The following RIPK2 variants were observed in gnomAD, a reference collection of about 807,000 sequenced individuals.
The protein encoded by RIPK2 is receptor-interacting serine/threonine-protein kinase 2.
Under a neutral mutation model 60.9 loss-of-function variants are expected in RIPK2, and 38 were observed. The observed-to-expected ratio is 0.62, with a 90% confidence interval of 0.48 to 0.82. The LOEUF (loss-of-function observed/expected upper bound fraction) is 0.82, where lower values mean the gene tolerates loss of function less well. Among genes scored for constraint, RIPK2 ranks in the 40% least tolerant of loss-of-function variants. RIPK2 has a pLI of 0.00. For synonymous variants in RIPK2, 225 were observed against 223.4 expected (o/e 1.01, Z -0.06); for missense variants, 518 against 647.0 (o/e 0.80, Z 2.16).
At position 89,780,170 on chromosome 8, in the gene RIPK2, TA is replaced by T; in HGVS notation, c.939+13del. On this transcript the variant is annotated intron_variant, in intron 7 of 10. Coordinates refer to ENST00000220751, the MANE Select transcript of RIPK2 (RefSeq NM_003821.6). The stretch of plus-strand genomic sequence containing the variant: ...GCTAAAGAAAACAAAGGTAAGTTGC[TA>T]AATGAAATGCTGGAAATTAGAAATT... 7.3e-7 allele frequency: 1 copy of T among 1,369,266 alleles called. No individual in the cohort carries two copies. The highest frequency in any genetic ancestry group is 1.0e-6 in the Non-Finnish European group (1 of 983,306). The allele number at this position is 1,369,266 out of a possible 1,614,324, so 84.8% of individuals were successfully genotyped here.
intron 1 of RIPK2, among the ~76,000 whole-genome samples, chr8:89,761,872 TTAC>T (rs1476552566): frequency 6.6e-6 from 1 of 152,106 alleles, no homozygotes; most frequent in African/African-American, 2.4e-5. Context: ...TCCTTTTATA[TTAC>T]ATAAAAGGAG....
chr8:89,760,186 C>G (rs953555162), intron 1 of RIPK2, among the ~76,000 whole-genome samples: 44 of 151,706 alleles, frequency 2.9e-4, no homozygotes, highest in African/African-American at 1.0e-3. Flanking sequence ...GTTTCTCGGA[C>G]TATGGAGAAC....
intron 6 of RIPK2, among the ~76,000 whole-genome samples, chr8:89,776,722 G>A (rs1351643956): frequency 6.6e-6 from 1 of 152,182 alleles, no homozygotes; most frequent in Non-Finnish European, 1.5e-5. Flanking sequence ...GATGTATTTA[G>A]GAAGCAAAAT....
rs1392995650 is a variant in RIPK2 at position 89,790,697 on chromosome 8, T to C, written c.*281T>C. ...TTTATAACAGTGCCTTAAGGTATGA[T>C]GTATTTCTGATGGAAGCCATTTTCA... On this transcript the variant is annotated 3_prime_UTR_variant, in exon 11 of 11. Coordinates refer to ENST00000220751, the MANE Select transcript of RIPK2 (RefSeq NM_003821.6). The C allele has an allele frequency of 7.7e-6, 2 of 261,150 alleles. No individual in the cohort carries two copies. The highest frequency in any genetic ancestry group is 4.9e-5 in the Admixed American group (1 of 20,342). 16.2% of individuals were successfully genotyped at this position (261,150 alleles called of 1,614,324 possible).
intron 4 of RIPK2, among the ~76,000 whole-genome samples, chr8:89,770,612 ACTCT>A (rs879841072): frequency 8.6e-5 from 13 of 151,674 alleles, no homozygotes; most frequent in Admixed American, 2.6e-4. Context: ...GCAAAAGCAG[ACTCT>A]CTAAGTTTGC....
In RIPK2 at chr8:89,790,325, A is replaced by T; in HGVS notation, c.1532A>T (p.Asp511Val). Residue 511 changes from aspartate to valine, a missense_variant, in exon 11 of 11, where the codon GAT (aspartate) becomes GTT (valine). By Grantham distance (152) the Asp-to-Val change is radical. This residue lies in a region of RIPK2 where 41 missense variants were observed against 43.7 expected (regional missense o/e 0.94). Transcript: ENST00000220751. ...FAKVIVQKLK[D>V]NKQMGLQPYP... ...AAAGTTATAGTACAAAAATTGAAAG[A>T]TAACAAACAAATGGGTCTTCAGCCT... is the stretch of plus-strand genomic sequence containing the variant. The T allele has an allele frequency of 1.9e-6, 3 of 1,614,160 alleles. No homozygotes were observed. The South Asian group carries it at 3.3e-5, about 18-fold the overall frequency.
Position 89,786,665 on chromosome 8 carries a change from CA to C in RIPK2, c.1104del (p.Asp369ThrfsTer15). On this transcript the variant is annotated frameshift_variant, in exon 9 of 11. Transcript: ENST00000220751. LOFTEE classifies it high-confidence loss of function. ...PETSRSLPAPQDNDFLSRKAQ... is the reference protein window; with the variant it reads ...PETSRSLPAPXDNDFLSRKAQ... ...AACTTCAAGGTCCCTGCCAGCTCCT[CA>C]AGACAATGATTTTTTATCTAGTATG... The C allele has an allele frequency of 6.3e-7, 1 of 1,583,488 alleles. No individual in the cohort carries two copies. The highest frequency in any genetic ancestry group is 1.4e-5 in the African/African-American group (1 of 72,500).
intron 6 of RIPK2, among the ~76,000 whole-genome samples, chr8:89,773,286 A>C (rs961805640): frequency 6.6e-6 from 1 of 152,114 alleles, no homozygotes; most frequent in African/African-American, 2.4e-5. Context: ...GCCTTTTTTT[A>C]GGGGCAAACA....
rs1164593680 is a variant in RIPK2, at chr8:89,790,206, A to G, written c.1413A>G (p.Lys471=). 6.2e-7 allele frequency: 1 copy of G among 1,614,160 alleles called. No individual in the cohort carries two copies. Among genetic ancestry groups the G allele is most frequent in the South Asian group, 1.1e-5 (1 of 91,086 alleles). Residue 471 remains lysine, a synonymous_variant, in exon 11 of 11, where the codon AAA becomes AAG. Transcript: ENST00000220751. ...TTCTGTCCAGGGACTTGATCATGAA[A>G]GAGGACTATGAACTTGTTAGTACCA... ...DALLSRDLIM[K]EDYELVSTKP...
chr8:89,772,396 G>C (rs748572127), intron 5 of RIPK2, among the ~76,000 whole-genome samples: 1 of 151,884 alleles, frequency 6.6e-6, no homozygotes, highest in Non-Finnish European at 1.5e-5. Flanking sequence ...GCAAGGTTTC[G>C]CTCAGCTCTG....
chr8:89,771,856 T>G (rs1004372204), intron 5 of RIPK2, 66 bp downstream of exon 5: 9 of 992,768 alleles, frequency 9.1e-6, no homozygotes, highest in Non-Finnish European at 1.4e-5. Context: ...CAGAACTATC[T>G]AAAAATCATG....
intron 1 of RIPK2, among the ~76,000 whole-genome samples, chr8:89,759,663 G>T (rs1809113009): frequency 6.6e-6 from 1 of 152,152 alleles, no homozygotes; most frequent in South Asian, 2.1e-4. Flanking sequence ...GTTTACTCCA[G>T]GCCTTATATT....
At chr8:89,765,312 A>C in intron 2 of RIPK2, 29 bp from the exon 3 acceptor site, 1 of 1,543,352 alleles carries the variant, frequency 6.5e-7, no homozygotes, top group Non-Finnish European at 8.9e-7. Context: ...GACTAATTTC[A>C]TTTTCTTTCT....
Position 89,764,388 on chromosome 8 carries a change from C to T in RIPK2, c.328-953C>T, listed in dbSNP as rs1349759511. ...AAACAGTCTAAAATATTTTGAACCA[C>T]TCCCCCTGCCAGATTGATCACTGAA... On this transcript the variant is annotated intron_variant, in intron 2 of 10. Transcript: ENST00000220751. 1.3e-5 allele frequency among the ~76,000 whole-genome samples: 2 copies of T among 152,176 alleles called. 1 individual carries two copies. Among genetic ancestry groups the T allele is most frequent in the African/African-American group, 4.8e-5 (2 of 41,446 alleles).
intron 7 of RIPK2, among the ~76,000 whole-genome samples, chr8:89,783,817 A>G (rs1374202188): frequency 1.3e-5 from 2 of 152,186 alleles, no homozygotes; most frequent in African/African-American, 4.8e-5. Context: ...GCTCTGAGAC[A>G]CTGAGAGAAG....
Position 89,757,892 on chromosome 8 carries a change from T to G in RIPK2, c.-169T>G. ...TGGTTCGGAGAAGCAGCGGCTGGCG[T>G]GGGCCATCCGGGGAATGGGCGCCCT... On this transcript the variant is annotated 5_prime_UTR_variant, in exon 1 of 11. Coordinates refer to ENST00000220751, the MANE Select transcript of RIPK2 (RefSeq NM_003821.6). 1.4e-6 allele frequency: 2 copies of G among 1,381,876 alleles called. No homozygotes were observed. The highest frequency in any genetic ancestry group is 1.6e-5 in the South Asian group (1 of 61,906). The allele number at this position is 1,381,876 out of a possible 1,614,324, so 85.6% of individuals were successfully genotyped here. A position where few individuals can be genotyped will look rare whatever the true frequency, so the allele number is the denominator to read the frequency against.
At chr8:89,765,317 C>CT in intron 2 of RIPK2, 24 bp from the exon 3 acceptor site, 1 of 1,552,016 alleles carries the variant, frequency 6.4e-7, no homozygotes, top group South Asian at 1.2e-5. Flanking sequence ...ATTTCATTTT[C>CT]TTTCTTTTCA....
rs1809635334 is a variant in RIPK2, at chr8:89,789,253, T to C, written c.1124-68T>C. ...AGCCTACCTTCTGTCTGCTCAGATG[T>C]TGACATGTTAGCCAATAGGAATTTC... is the stretch of plus-strand genomic sequence containing the variant. On this transcript the variant is annotated intron_variant, in intron 9 of 10. Transcript: ENST00000220751. 6 of 1,371,168 alleles carry C rather than the reference T, an allele frequency of 4.4e-6. No homozygotes were observed. The Admixed American group carries it at 5.4e-5, about 12-fold the overall frequency. The allele number at this position is 1,371,168 out of a possible 1,614,324, so 84.9% of individuals were successfully genotyped here.
intron 7 of RIPK2, among the ~76,000 whole-genome samples, chr8:89,781,501 G>C (rs1809500086): frequency 6.6e-6 from 1 of 151,944 alleles, no homozygotes; most frequent in Non-Finnish European, 1.5e-5. Flanking sequence ...CCAATTGCTT[G>C]AAACTACAGG....
Sources: gnomAD v4.1 joint callset for allele counts (sites outside exome capture counted in the v4.1 genomes callset) on GRCh38, gnomAD v4.1.1 for gene constraint, gnomAD v4.1.1 regional missense constraint, MANE v1.5 for transcripts, NCBI Gene and HGNC (gene_info 2026-07-23, HGNC 2026-07-21) for gene names.